The following CIITA variants were observed in gnomAD, a reference collection of about 807,000 sequenced individuals.
CIITA encodes class II major histocompatibility complex transactivator.
A neutral mutation model predicts 115.1 loss-of-function variants in CIITA; 72 were observed. The observed-to-expected ratio is 0.63, with a 90% CI of 0.52 to 0.76. CIITA has a LOEUF of 0.76. Among genes scored for constraint, CIITA ranks in the 30% least tolerant of loss-of-function variants. The pLI is 0.00. For missense variants in CIITA, 1,617 were observed against 1,463.8 expected (o/e 1.10, Z -1.71); for synonymous variants, 763 against 635.6 (o/e 1.20, Z -3.02).
rs71136603 is a variant in CIITA at position 10,893,804 on chromosome 16, TAAAAAAAAAAA to T, written c.53-1458_53-1448del. On this transcript the variant is annotated intron_variant, in intron 1 of 19. Transcript: ENST00000324288. ...AGCCTGGGTGACAGAGACTCCGTCTTAAAAAAAAAAAAAAAAAAAAAAAAAAAAAAGTAGAG... is the reference window on the plus strand; with the variant it reads ...AGCCTGGGTGACAGAGACTCCGTCTTAAAAAAAAAAAAAAAAAAAGTAGAG... Among the ~76,000 whole-genome samples, 34 of 32,170 alleles carry T rather than the reference TAAAAAAAAAAA, an allele frequency of 1.1e-3. 1 individual carries two copies. Among genetic ancestry groups the T allele is most frequent in the Middle Eastern group, 0.029 (1 of 34 alleles). The allele number at this position is 32,170 out of a possible 152,430, so 21.1% of individuals were successfully genotyped here.
At chr16:10,910,781 A>G (rs1012049932) in intron 13 of CIITA, among the ~76,000 whole-genome samples, 2 of 152,220 alleles carry the variant, frequency 1.3e-5, no homozygotes, top group Admixed American at 1.3e-4. Flanking sequence ...TCCTGTGGCC[A>G]GGAACTGCAC....
At chr16:10,892,832 C>G (rs186778582) in intron 1 of CIITA, among the ~76,000 whole-genome samples, 1 of 152,200 alleles carries the variant, frequency 6.6e-6, no homozygotes, top group East Asian at 1.9e-4. Context: ...ACTCAGGAGA[C>G]TGGGGCAGGA....
At chr16:10,918,319 G>A (rs988646621) in intron 15 of CIITA, 121 bp from the exon 16 acceptor site, 30 of 907,908 alleles carry the variant, frequency 3.3e-5, no homozygotes, top group Middle Eastern at 2.1e-4. Context: ...CCTATTTACC[G>A]AGAGGTAGCT....
Position 10,879,316 on chromosome 16 carries a change from G to C in CIITA, c.52+1934G>C, listed in dbSNP as rs756009901. 7.2e-5 allele frequency among the ~76,000 whole-genome samples: 11 copies of C among 152,170 alleles called. No homozygotes were observed. The highest frequency in any genetic ancestry group is 1.0e-4 in the Non-Finnish European group (7 of 68,018). On this transcript the variant is annotated intron_variant, in intron 1 of 19. Transcript: ENST00000324288. This position sits in a 1 kb window ranked among gnomAD's most constrained non-coding sequence, Gnocchi z 4.3. ...GGAAAGCCTGGCGGCAGCTTCTGCA[G>C]AGAAGCCGGAGCGCAGACTGGGAGC...
At chr16:10,908,508 T>C in intron 11 of CIITA, 1 of 432,122 alleles carries the variant, frequency 2.3e-6, no homozygotes, top group Non-Finnish European at 4.3e-6. Flanking sequence ...TGGCCTCCCC[T>C]TGGACTCTCT....
intron 1 of CIITA, among the ~76,000 whole-genome samples, chr16:10,883,254 C>T (rs937721297): frequency 6.6e-6 from 1 of 152,212 alleles, no homozygotes; most frequent in African/African-American, 2.4e-5. Context: ...CCAGGAAAAA[C>T]TTGTTGGACT....
rs1354008596 is a variant in CIITA, at chr16:10,933,355, C to G, written c.*9500C>G. ...AGATGGCCCTGGCGTTTTACGCGCA[C>G]TGGTGGGTGAGGCTCTGAAAGTGGT... On this transcript the variant is annotated 3_prime_UTR_variant, in exon 20 of 20. Coordinates refer to ENST00000324288, the MANE Select transcript of CIITA (RefSeq NM_000246.4). The G allele has an allele frequency of 6.6e-6, 1 of 152,366 alleles. No homozygotes were observed. Among genetic ancestry groups the G allele is most frequent in the Admixed American group, 6.5e-5 (1 of 15,282 alleles). 9.4% of individuals were successfully genotyped at this position (152,366 alleles called of 1,614,324 possible).
At chr16:10,903,654 T>C (rs2038937549) in intron 8 of CIITA, 77 bp from the exon 9 acceptor site, 1 of 1,503,504 alleles carries the variant, frequency 6.7e-7, no homozygotes, top group Non-Finnish European at 9.3e-7. Context: ...CAGCCCAGTT[T>C]GGAGTAGGGG....
At chr16:10,898,544 T>C (rs2038371581) in intron 3 of CIITA, 126 bp from the exon 4 acceptor site, 1 of 613,288 alleles carries the variant, frequency 1.6e-6, no homozygotes, top group South Asian at 1.7e-5. Flanking sequence ...CATTCATTCA[T>C]TCAACAAACA....
At chr16:10,916,180 T>C (rs539729627) in intron 14 of CIITA, among the ~76,000 whole-genome samples, 187 bp from the exon 15 acceptor site, 1 of 152,330 alleles carries the variant, frequency 6.6e-6, no homozygotes, top group East Asian at 1.9e-4. Flanking sequence ...TCTGGCTGCC[T>C]GGTTGGAGCC....
intron 1 of CIITA, among the ~76,000 whole-genome samples, chr16:10,893,432 T>G (rs1198137027): frequency 6.6e-6 from 1 of 152,196 alleles, no homozygotes; most frequent in Non-Finnish European, 1.5e-5. Flanking sequence ...TCTCTGGGTC[T>G]CAAGTTCTTC....
rs1365329159 is a variant in CIITA at position 10,879,664 on chromosome 16, C to T, written c.52+2282C>T. ...GGGGAGGGATCCCCCCGGACTGAAC[C>T]GATCTCTTGATCTCTCACTTCTCTA... On this transcript the variant is annotated intron_variant, in intron 1 of 19. Coordinates refer to ENST00000324288, the MANE Select transcript of CIITA (RefSeq NM_000246.4). This position sits in a 1 kb window ranked among gnomAD's most constrained non-coding sequence, Gnocchi z 4.3. 6.6e-6 allele frequency among the ~76,000 whole-genome samples: 1 copy of T among 152,148 alleles called. No homozygotes were observed. Among genetic ancestry groups the T allele is most frequent in the East Asian group, 1.9e-4 (1 of 5,184 alleles).
chr16:10,902,258 G>A (rs1281034994), intron 7 of CIITA, 74 bp downstream of exon 7: 1 of 1,584,946 alleles, frequency 6.3e-7, no homozygotes, highest in African/African-American at 1.3e-5. Flanking sequence ...ACTAAGGCAG[G>A]GACTGTCAGG....
Position 10,907,108 on chromosome 16 carries a change from G to A in CIITA, c.1616G>A (p.Arg539Gln), listed in dbSNP as rs1261901485. 9 of 1,610,478 alleles carry A rather than the reference G, an allele frequency of 5.6e-6. No individual in the cohort carries two copies. The highest frequency in any genetic ancestry group is 4.4e-5 in the South Asian group (4 of 91,068). Residue 539 changes from arginine (R) to glutamine (Q), a missense_variant, in exon 11 of 20, where the codon CGA becomes CAA. Physicochemically the swap from Arg to Gln is conservative, Grantham distance 43. Coordinates refer to ENST00000324288, the MANE Select transcript of CIITA (RefSeq NM_000246.4). This position sits in a 1 kb window ranked among gnomAD's most constrained non-coding sequence, Gnocchi z 5.0. ...GGCCTTTTCCAGAAGAAGCTGCTCC[G>A]AGGTTGCACCCTCCTCCTCACAGCC... ...LAGLFQKKLLRGCTLLLTARP... is the reference protein window; with the variant it reads ...LAGLFQKKLLQGCTLLLTARP...
At chr16:10,867,431 A>C (rs911008787) in intron 1 of CIITA, among the ~76,000 whole-genome samples, 1 of 151,744 alleles carries the variant, frequency 6.6e-6, no homozygotes, top group Admixed American at 6.6e-5. Context: ...CGAGAAAGGA[A>C]GGGAGAGAAA....
Position 10,903,737 on chromosome 16 carries a change from T to C in CIITA, c.779T>C (p.Val260Ala). 6.2e-7 allele frequency: 1 copy of C among 1,614,082 alleles called. No homozygotes were observed. The highest frequency in any genetic ancestry group is 8.5e-7 in the Non-Finnish European group (1 of 1,179,998). ...CTCTCCACCCCCAATGTAGGTGAGG[T>C]GCCCCAGGCCAGCCAAGTACCCCCT... Reference protein sequence around the residue: ...VSSIFIYHGEVPQASQVPPPS... With the variant: ...VSSIFIYHGEAPQASQVPPPS... Residue 260 changes from valine (V) to alanine (A), a missense_variant, in exon 9 of 20, where the codon GTG becomes GCG. Val to Ala is a moderately conservative substitution (Grantham distance 64, BLOSUM62 0). Coordinates refer to ENST00000324288, the MANE Select transcript of CIITA (RefSeq NM_000246.4).
At chr16:10,899,084 A>G (rs1197334164) in intron 5 of CIITA, 82 bp downstream of exon 5, 1 of 1,378,190 alleles carries the variant, frequency 7.3e-7, no homozygotes, top group African/African-American at 1.4e-5. Flanking sequence ...TGTGGGTCCA[A>G]CTTGCTTCCC....
At position 10,907,809 on chromosome 16, in the gene CIITA, C is replaced by T. The variant is rs767189945; in HGVS notation, c.2317C>T (p.Leu773=). The T allele has an allele frequency of 6.2e-7, 1 of 1,614,112 alleles. No homozygotes were observed. The highest frequency in any genetic ancestry group is 1.3e-5 in the African/African-American group (1 of 75,078). ...FQPPARCLGA[L]LGPSAAASVD... ...GCCTCCCGCCCGCTGCCTGGGAGCC[C>T]TACTCGGGCCATCGGCGGCTGCCTC... The change falls in exon 11 of 20, where the codon CTA becomes TTA. Residue 773 remains leucine (L), a synonymous_variant. Transcript: ENST00000324288. This position sits in a 1 kb window ranked among gnomAD's most constrained non-coding sequence, Gnocchi z 5.0.
chr16:10,895,750 C>T lies in CIITA; in HGVS notation c.281C>T (p.Ala94Val). 6.2e-7 allele frequency: 1 copy of T among 1,614,098 alleles called. No homozygotes were observed. The highest frequency in any genetic ancestry group is 8.5e-7 in the Non-Finnish European group (1 of 1,180,006). ...GAAGGTGATGAAGAGACCAGGGAGGCTTATGCCAATATCGGTGAGGAAGCA... is the reference window on the plus strand; with the variant it reads ...GAAGGTGATGAAGAGACCAGGGAGGTTTATGCCAATATCGGTGAGGAAGCA... The part of the protein sequence containing the change: ...DMEGDEETRE[A>V]YANIAELDQY... The change falls in exon 3 of 20, where the codon GCT becomes GTT. Residue 94 changes from alanine to valine, a missense_variant. Coordinates refer to ENST00000324288, the MANE Select transcript of CIITA (RefSeq NM_000246.4).
Sources: gnomAD v4.1 joint callset for allele counts (sites outside exome capture counted in the v4.1 genomes callset) on GRCh38, gnomAD v4.1.1 for gene constraint, Gnocchi (gnomAD v3.1) non-coding constraint, MANE v1.5 for transcripts, NCBI Gene and HGNC (gene_info 2026-07-23, HGNC 2026-07-21) for gene names.